Variants in DOK6 observed in about 807,000 individuals in gnomAD.
DOK6 encodes the protein docking protein 6.
A neutral mutation model predicts 44.0 loss-of-function variants in DOK6; 22 were observed. The observed-to-expected ratio is 0.50, with a 90% CI of 0.36 to 0.71. DOK6 has a LOEUF of 0.71. Ranked by LOEUF, DOK6 falls within the 30% of genes least tolerant of loss-of-function variation. DOK6 has a pLI of 0.00. For missense variants in DOK6, 340 were observed against 416.4 expected, an observed-to-expected ratio of 0.82 and a Z score of 1.60; for synonymous variants, 166 against 145.5, an observed-to-expected ratio of 1.14 and a Z score of -1.01.
At chr18:69,704,846 C>T (rs1036435633) in intron 5 of DOK6, 1 of 152,092 alleles carries the variant, frequency 6.6e-6, no homozygotes, top group Non-Finnish European at 1.5e-5. Flanking sequence ...CCTCTACCCA[C>T]CCTGGCCCAA....
At chr18:69,822,148 T>C (rs1981591413) in intron 7 of DOK6, among the ~76,000 whole-genome samples, 2 of 152,234 alleles carry the variant, frequency 1.3e-5, no homozygotes, top group African/African-American at 2.4e-5. Flanking sequence ...ATGATGGCAC[T>C]GAAACTTAGC....
chr18:69,844,541 T>G lies in DOK6; in HGVS notation c.*3158T>G, dbSNP rs534937396. 5 of 152,240 alleles carry G rather than the reference T, an allele frequency of 3.3e-5. No homozygotes were observed. Among genetic ancestry groups the G allele is most frequent in the African/African-American group, 1.2e-4 (5 of 41,542 alleles). The allele number at this position is 152,240 out of a possible 1,614,324, so 9.4% of individuals were successfully genotyped here. On this transcript the variant is annotated 3_prime_UTR_variant, in exon 8 of 8. Transcript: ENST00000382713. ...AAATGCAGGAGAGTACAAAACAACC[T>G]TGATCCAATAGTTTCCTATTCTGGG...
At chr18:69,601,097 T>C (rs1209292376) in intron 3 of DOK6, among the ~76,000 whole-genome samples, 1 of 152,228 alleles carries the variant, frequency 6.6e-6, no homozygotes, top group Non-Finnish European at 1.5e-5. Flanking sequence ...GATTCTGCCT[T>C]TTCAAATTTC....
chr18:69,498,422 C>A (rs1980954365), intron 1 of DOK6, among the ~76,000 whole-genome samples: 1 of 151,978 alleles, frequency 6.6e-6, no homozygotes, highest in Non-Finnish European at 1.5e-5. Flanking sequence ...TGGGATGAGT[C>A]CCAGACAGGG....
At chr18:69,525,418 A>C (rs535306644) in intron 1 of DOK6, among the ~76,000 whole-genome samples, 1 of 152,046 alleles carries the variant, frequency 6.6e-6, no homozygotes, top group South Asian at 2.1e-4. Flanking sequence ...TTTTACATTG[A>C]AGGTTTGAGA....
At chr18:69,663,534 C>T (rs958616134) in intron 3 of DOK6, 3 of 152,022 alleles carry the variant, frequency 2.0e-5, no homozygotes, top group Admixed American at 2.0e-4. Flanking sequence ...ATTAAATGGT[C>T]CATGGTTGAT....
intron 6 of DOK6, among the ~76,000 whole-genome samples, chr18:69,752,517 G>C (rs904257785): frequency 1.3e-5 from 2 of 152,106 alleles, no homozygotes; most frequent in African/African-American, 2.4e-5. Context: ...GAATACATTT[G>C]GGGCATAGCA....
At chr18:69,579,932 T>C (rs1362096165) in intron 2 of DOK6, among the ~76,000 whole-genome samples, 1 of 152,090 alleles carries the variant, frequency 6.6e-6, no homozygotes, top group Non-Finnish European at 1.5e-5. Context: ...CAGAAGTCAA[T>C]TTTTTTAATG....
chr18:69,698,199 GAATT>G (rs750271354), intron 4 of DOK6, among the ~76,000 whole-genome samples: 8 of 152,152 alleles, frequency 5.3e-5, no homozygotes, highest in Non-Finnish European at 2.9e-5. Flanking sequence ...GTGAATGAAT[GAATT>G]AATGATTCAG....
In DOK6 at chr18:69,841,781, A is replaced by C. The variant is rs1041642210; in HGVS notation, c.*398A>C. ...CCATCTGAGCACAGGGTCTGTCCTT[A>C]GACATAATGGTGACCCTCCACAAGC... On this transcript the variant is annotated 3_prime_UTR_variant, in exon 8 of 8. Transcript: ENST00000382713. 1 of 176,342 alleles carries C rather than the reference A, an allele frequency of 5.7e-6. No homozygotes were observed. The highest frequency in any genetic ancestry group is 2.3e-5 in the African/African-American group (1 of 42,664). The allele number at this position is 176,342 out of a possible 1,614,324, so 10.9% of individuals were successfully genotyped here. A position where few individuals can be genotyped will look rare whatever the true frequency, so the allele number is the denominator to read the frequency against.
chr18:69,512,587 G>C (rs112991919), intron 1 of DOK6, among the ~76,000 whole-genome samples: 19 of 152,018 alleles, frequency 1.2e-4, no homozygotes, highest in African/African-American at 4.6e-4. Context: ...CAGTTGATTC[G>C]TCCGCCTCGG....
chr18:69,455,817 A>G (rs1430443928), intron 1 of DOK6, among the ~76,000 whole-genome samples: 1 of 152,186 alleles, frequency 6.6e-6, no homozygotes, highest in Non-Finnish European at 1.5e-5. Context: ...TTTATATTCA[A>G]AAAGCTAAAT....
intron 1 of DOK6, among the ~76,000 whole-genome samples, chr18:69,447,420 GT>G (rs558371157): frequency 7.8e-4 from 118 of 152,206 alleles, no homozygotes; most frequent in South Asian, 2.3e-3. Context: ...CTATATCTCT[GT>G]TTTGGTACCA....
At chr18:69,432,076 T>TTA (rs1442350742) in intron 1 of DOK6, among the ~76,000 whole-genome samples, 1 of 152,164 alleles carries the variant, frequency 6.6e-6, no homozygotes, top group Non-Finnish European at 1.5e-5. Context: ...GAAATTACAA[T>TTA]TAAACATCGA....
chr18:69,428,284 G>T (rs1978700727), intron 1 of DOK6, among the ~76,000 whole-genome samples: 1 of 151,898 alleles, frequency 6.6e-6, no homozygotes, highest in Non-Finnish European at 1.5e-5. Context: ...ACACAATGTG[G>T]GCTCTGTATA....
intron 1 of DOK6, among the ~76,000 whole-genome samples, chr18:69,541,612 C>G (rs1373544989): frequency 6.6e-6 from 1 of 151,374 alleles, no homozygotes; most frequent in South Asian, 2.1e-4. Flanking sequence ...TATACTGAGC[C>G]ATGAAGGGAA....
chr18:69,495,342 C>G (rs981371871), intron 1 of DOK6, among the ~76,000 whole-genome samples: 1 of 152,208 alleles, frequency 6.6e-6, no homozygotes, highest in Admixed American at 6.5e-5. Context: ...TCAGCCCTGC[C>G]GTTCCACATT....
chr18:69,422,939 T>C (rs1261599186), intron 1 of DOK6, among the ~76,000 whole-genome samples: 7 of 152,140 alleles, frequency 4.6e-5, no homozygotes. Context: ...TTGCAGAGAG[T>C]CACATTACAA....
At chr18:69,636,155 T>C (rs1389679092) in intron 3 of DOK6, among the ~76,000 whole-genome samples, 2 of 152,238 alleles carry the variant, frequency 1.3e-5, no homozygotes, top group Non-Finnish European at 2.9e-5. Context: ...GTCTGTAGCA[T>C]GATTCTGGCA....
Sources: gnomAD v4.1 joint callset for allele counts (sites outside exome capture counted in the v4.1 genomes callset) on GRCh38, gnomAD v4.1.1 for gene constraint, MANE v1.5 for transcripts, NCBI Gene and HGNC (gene_info 2026-07-23, HGNC 2026-07-21) for gene names.